Variants in EFCAB10 observed in about 807,000 individuals in gnomAD.
EFCAB10 encodes EF-hand calcium-binding domain-containing protein 10.
In EFCAB10, 7 loss-of-function variants were observed where a neutral mutation model predicts 7.7. The observed-to-expected ratio is 0.91, with a 90% CI of 0.52 to 1.72. The LOEUF (loss-of-function observed/expected upper bound fraction) is 1.72, where lower values mean the gene tolerates loss of function less well. Among genes scored for constraint, EFCAB10 ranks in the 40% most tolerant of loss-of-function variants. The pLI, the probability that EFCAB10 is intolerant of heterozygous loss-of-function variation, is 0.00. For missense variants in EFCAB10, 112 were observed against 61.5 expected, an observed-to-expected ratio of 1.82 and a Z score of -2.74; for synonymous variants, 52 against 21.0, an observed-to-expected ratio of 2.47 and a Z score of -4.03.
intron 1 of EFCAB10, among the ~76,000 whole-genome samples, chr7:105,579,090 A>G (rs1023698596): frequency 6.6e-6 from 1 of 152,130 alleles, no homozygotes; most frequent in Non-Finnish European, 1.5e-5. Flanking sequence ...AAAAGTTTTG[A>G]ATGTAGGAAC....
intron 1 of EFCAB10, among the ~76,000 whole-genome samples, chr7:105,576,732 C>A (rs1188215785): frequency 6.6e-6 from 1 of 152,136 alleles, no homozygotes; most frequent in Non-Finnish European, 1.5e-5. Flanking sequence ...GTGTGAGCCA[C>A]CGCGCCTAGC....
chr7:105,578,024 A>C (rs996403628), intron 1 of EFCAB10, among the ~76,000 whole-genome samples: 3 of 152,192 alleles, frequency 2.0e-5, no homozygotes, highest in Non-Finnish European at 2.9e-5. Context: ...TTGGCCTCCC[A>C]AAGTGCTGGG....
At chr7:105,575,982 A>C (rs1792068089) in intron 1 of EFCAB10, among the ~76,000 whole-genome samples, 1 of 152,126 alleles carries the variant, frequency 6.6e-6, no homozygotes, top group South Asian at 2.1e-4. Context: ...GGTTGCAGTG[A>C]GCTGAGATCG....
At chr7:105,566,963 A>G in intron 4 of EFCAB10, 2 of 442,528 alleles carry the variant, frequency 4.5e-6, no homozygotes, top group Non-Finnish European at 7.8e-6. Context: ...GTGTAGTCTT[A>G]CCATGTTAAA....
rs938481898 is a variant in EFCAB10 at position 105,567,194 on chromosome 7, T to C, written c.383+273A>G. 1.2e-6 allele frequency: 2 copies of C among 1,612,654 alleles called. No homozygotes were observed. Among genetic ancestry groups the C allele is most frequent in the African/African-American group, 2.7e-5 (2 of 74,894 alleles). ...TGCTGAAAGATGTACTGCAGTCAGC[T>C]TCAGGGCAGCTTCCTGCCACAGCAG... On this transcript the variant is annotated intron_variant, in intron 4 of 4. Coordinates refer to ENST00000480514, the MANE Select transcript of EFCAB10 (RefSeq NM_001355526.2).
At chr7:105,567,270 C>A in intron 4 of EFCAB10, 197 bp downstream of exon 4, 1 of 1,609,128 alleles carries the variant, frequency 6.2e-7, no homozygotes, top group South Asian at 1.1e-5. Flanking sequence ...TGTTGAGATT[C>A]TACTTAATTT....
At chr7:105,570,845 A>T (rs1453296596) in intron 1 of EFCAB10, among the ~76,000 whole-genome samples, 1 of 152,084 alleles carries the variant, frequency 6.6e-6, no homozygotes, top group African/African-American at 2.4e-5. Context: ...TAACACGGTG[A>T]AACCCCGTTC....
At chr7:105,573,874 A>G (rs568016693) in intron 1 of EFCAB10, among the ~76,000 whole-genome samples, 44 of 152,298 alleles carry the variant, frequency 2.9e-4, no homozygotes, top group Middle Eastern at 6.8e-3. Flanking sequence ...AGCATCTTCA[A>G]TGGTGAAATC....
At chr7:105,572,321 C>G (rs1286459960) in intron 1 of EFCAB10, 1 of 151,288 alleles carries the variant, frequency 6.6e-6, no homozygotes, top group African/African-American at 2.4e-5. Flanking sequence ...TGATTTACTT[C>G]ACTTAATGTT....
rs1586272463 is a variant in EFCAB10 at position 105,565,375 on chromosome 7, T to TAGAG, written c.*71_*72insCTCT. Reference sequence around the variant, plus strand: ...ACGTTACGAGACCATTTACTTCAGTTGGAGCAGCAGCTTTGTTTCTCCTTA... The same window carrying TAGAG: ...ACGTTACGAGACCATTTACTTCAGTTAGAGGGAGCAGCAGCTTTGTTTCTCCTTA... On this transcript the variant is annotated 3_prime_UTR_variant, in exon 5 of 5. Transcript: ENST00000480514. The TAGAG allele has an allele frequency of 6.2e-6, 10 of 1,614,220 alleles. No individual in the cohort carries two copies. The highest frequency in any genetic ancestry group is 8.5e-6 in the Non-Finnish European group (10 of 1,180,040).
chr7:105,565,331 G>T lies in EFCAB10; in HGVS notation c.*116C>A. ...AGGCAGTGATGTCCCTGTCCAGTTCGGCTTGCCCGTTGCTGCTGACGTTAC... is the reference window on the plus strand; with the variant it reads ...AGGCAGTGATGTCCCTGTCCAGTTCTGCTTGCCCGTTGCTGCTGACGTTAC... On this transcript the variant is annotated 3_prime_UTR_variant, in exon 5 of 5. Transcript: ENST00000480514. 1 of 1,614,166 alleles carries T rather than the reference G, an allele frequency of 6.2e-7. No individual in the cohort carries two copies. Among genetic ancestry groups the T allele is most frequent in the Non-Finnish European group, 8.5e-7 (1 of 1,180,020 alleles).
At chr7:105,581,301 T>A (rs1792228802) in intron 1 of EFCAB10, 57 bp downstream of exon 1, 1 of 692,206 alleles carries the variant, frequency 1.4e-6, no homozygotes, top group Non-Finnish European at 2.6e-6. Flanking sequence ...GGGGGTTTCG[T>A]GTGGGAAGCG....
chr7:105,565,352 G>T lies in EFCAB10; in HGVS notation c.*95C>A. The T allele has an allele frequency of 1.2e-6, 2 of 1,614,166 alleles. No individual in the cohort carries two copies. The highest frequency in any genetic ancestry group is 1.7e-6 in the Non-Finnish European group (2 of 1,180,026). ...GTTCGGCTTGCCCGTTGCTGCTGAC[G>T]TTACGAGACCATTTACTTCAGTTGG... On this transcript the variant is annotated 3_prime_UTR_variant, in exon 5 of 5. Transcript: ENST00000480514.
intron 1 of EFCAB10, among the ~76,000 whole-genome samples, chr7:105,579,020 G>A (rs1420590823): frequency 2.6e-5 from 4 of 152,128 alleles, no homozygotes; most frequent in Admixed American, 2.0e-4. Context: ...TGATCCACCC[G>A]CCTTGGCCTC....
At position 105,581,439 on chromosome 7, in the gene EFCAB10, G is replaced by T; in HGVS notation, c.25C>A (p.Gln9Lys). 2 of 703,114 alleles carry T rather than the reference G, an allele frequency of 2.8e-6. No individual in the cohort carries two copies. 43.6% of individuals were successfully genotyped at this position (703,114 alleles called of 1,614,324 possible). A position where few individuals can be genotyped will look rare whatever the true frequency, so the allele number is the denominator to read the frequency against. ...TGCTTTTCCAAATACTCCGCGGCTT[G>T]GAGCTCCCTGCTGCTGGTCTCCATC... Reference protein sequence around the residue: METSSRELQAAEYLEKHQI... With the variant: METSSRELKAAEYLEKHQI... Residue 9 changes from glutamine (Q) to lysine (K), a missense_variant, in exon 1 of 5, where the codon CAA becomes AAA. Gln to Lys is a moderately conservative substitution (Grantham distance 53, BLOSUM62 1). Coordinates refer to ENST00000480514, the MANE Select transcript of EFCAB10 (RefSeq NM_001355526.2).
rs553952835 is a variant in EFCAB10 at position 105,568,944 on chromosome 7, C to T, written c.359+259G>A. On this transcript the variant is annotated intron_variant, in intron 3 of 4. Transcript: ENST00000480514. ...CAGCCTGGGCAACAGAGCAAGACTC[C>T]ATCTCAGGGAAAAAAAAAAAAAAAA... Among the ~76,000 whole-genome samples the T allele has an allele frequency of 2.1e-5, 3 of 141,214 alleles. No homozygotes were observed. The Admixed American group carries it at 2.2e-4, about 10-fold the overall frequency. The allele number at this position is 141,214 out of a possible 152,430, so 92.6% of individuals were successfully genotyped here. A position where few individuals can be genotyped will look rare whatever the true frequency, so the allele number is the denominator to read the frequency against.
At chr7:105,572,543 C>T (rs1171820865) in intron 1 of EFCAB10, 2 of 152,066 alleles carry the variant, frequency 1.3e-5, no homozygotes, top group Admixed American at 6.6e-5. Flanking sequence ...GGATATATAC[C>T]CAGTGGTGGG....
chr7:105,573,687 A>C (rs1255682536), intron 1 of EFCAB10: 1 of 152,198 alleles, frequency 6.6e-6, no homozygotes, highest in African/African-American at 2.4e-5. Context: ...CAACATCTTA[A>C]TCATAATAGC....
At chr7:105,577,165 GA>G (rs1792101812) in intron 1 of EFCAB10, among the ~76,000 whole-genome samples, 1 of 152,098 alleles carries the variant, frequency 6.6e-6, no homozygotes, top group Admixed American at 6.6e-5. Context: ...TTCCACCAAA[GA>G]GAATTTTGTC....
Sources: allele counts gnomAD v4.1 joint callset (sites outside exome capture counted in the v4.1 genomes callset), GRCh38; gene constraint gnomAD v4.1.1; transcripts MANE v1.5; gene names NCBI Gene and HGNC (gene_info 2026-07-23, HGNC 2026-07-21).